The following GAS2L1 variants were observed in gnomAD, a reference collection of about 807,000 sequenced individuals.
The protein encoded by GAS2L1 is GAS2-like protein 1.
GAS2L1 carries 26 observed loss-of-function variants against 44.0 expected under a neutral mutation model. That is an observed-to-expected ratio of 0.59 (90% confidence interval 0.43 to 0.82). The LOEUF is 0.82. Ranked by LOEUF, GAS2L1 falls within the 40% of genes least tolerant of loss-of-function variation. GAS2L1 has a pLI of 0.00. For missense variants in GAS2L1, 1,006 were observed against 983.0 expected, an observed-to-expected ratio of 1.02 and a Z score of -0.31; for synonymous variants, 426 against 415.9, an observed-to-expected ratio of 1.02 and a Z score of -0.30.
At chr22:29,311,877 C>T (rs770899291) in exon 5 of GAS2L1, 4 of 1,597,682 alleles carry the variant, frequency 2.5e-6, no homozygotes, top group South Asian at 1.1e-5. Flanking sequence ...CCAGACTCCC[C>T]GTGCCCGCAG....
chr22:29,311,012 GGAC>G lies in GAS2L1; in HGVS notation c.1010+17_1010+19del. The G allele has an allele frequency of 6.2e-7, 1 of 1,607,382 alleles. No homozygotes were observed. The highest frequency in any genetic ancestry group is 8.5e-7 in the Non-Finnish European group (1 of 1,177,434). ...GACCCCACCCAGGTGAGATGCAGGA[GGAC>G]GAGGAGTGAGGGGTCCAGAGGGTGG... is the stretch of plus-strand genomic sequence containing the variant. On this transcript the variant is annotated intron_variant, in intron 4 of 4. Coordinates refer to ENST00000618518, the Ensembl canonical transcript of GAS2L1.
exon 1 of GAS2L1, chr22:29,307,117 C>G (rs1356747028): frequency 2.0e-5 from 3 of 151,830 alleles, no homozygotes; most frequent in Non-Finnish European, 2.9e-5. Flanking sequence ...CCGGCCCCCG[C>G]TGGGGCAATG....
At chr22:29,310,832 C>A in exon 4 of GAS2L1, 1 of 1,609,252 alleles carries the variant, frequency 6.2e-7, no homozygotes. Context: ...CGCAGCTCAT[C>A]GCCCACCCCA....
At chr22:29,310,520 G>C in exon 2 of GAS2L1, 1 of 1,609,874 alleles carries the variant, frequency 6.2e-7, no homozygotes, top group Non-Finnish European at 8.5e-7. Flanking sequence ...CCGTGTGGGG[G>C]ACTCGAGCCT....
Position 29,310,251 on chromosome 22 carries a change from A to T in GAS2L1, c.634-188A>T, listed in dbSNP as rs12166598. The T allele has an allele frequency of 6.0e-3, 2,073 of 347,182 alleles. 26 individuals carry two copies. The highest frequency in any genetic ancestry group is 0.036 in the African/African-American group (1,651 of 45,844). The allele number at this position is 347,182 out of a possible 1,614,324, so 21.5% of individuals were successfully genotyped here. The stretch of plus-strand genomic sequence containing the variant: ...GAGCAAAACTCCAACTCAAAAAAAA[A>T]AAAAAATAAAAAAAAATAAAAAAAA... On this transcript the variant is annotated intron_variant, in intron 1 of 4. Transcript: ENST00000618518.
At position 29,308,666 on chromosome 22, in the gene GAS2L1, C is replaced by G. The variant is rs763791690; in HGVS notation, c.561C>G (p.Thr187=). Reference sequence around the variant, plus strand: ...CCGCTGGGGAGGACACCACTGAAACCGCCCCCGCACCAGGGACTCCTGCCC... The same window carrying G: ...CCGCTGGGGAGGACACCACTGAAACGGCCCCCGCACCAGGGACTCCTGCCC... The change falls in exon 1 of 5, where the codon ACC becomes ACG. Residue 187 remains threonine (T), a synonymous_variant. Coordinates refer to ENST00000618518, the Ensembl canonical transcript of GAS2L1. 26 of 1,529,820 alleles carry G rather than the reference C, an allele frequency of 1.7e-5. No homozygotes were observed. The South Asian group carries it at 2.5e-4, about 15-fold the overall frequency. 94.8% of individuals were successfully genotyped at this position (1,529,820 alleles called of 1,614,324 possible).
exon 4 of GAS2L1, chr22:29,310,924 G>A: frequency 6.2e-7 from 1 of 1,613,726 alleles, no homozygotes; most frequent in Non-Finnish European, 8.5e-7. Context: ...CTGGGAGTGA[G>A]CGCCGGGGCT....
Position 29,311,045 on chromosome 22 carries a change from G to T in GAS2L1, c.1010+47G>T, listed in dbSNP as rs759146077. The T allele has an allele frequency of 1.1e-5, 17 of 1,557,334 alleles. 1 individual carries two copies. In the South Asian group the frequency reaches 1.8e-4, roughly 17 times the overall value. On this transcript the variant is annotated intron_variant, in intron 4 of 4. Coordinates refer to ENST00000618518, the Ensembl canonical transcript of GAS2L1. ...AGTGAGGGGTCCAGAGGGTGGGGGG[G>T]CGTCAGCCCTGGCCTGCATGATGGG...
At chr22:29,312,289 G>C in exon 5 of GAS2L1, 1 of 1,609,270 alleles carries the variant, frequency 6.2e-7, no homozygotes, top group Non-Finnish European at 8.5e-7. Context: ...GGCATGGGGG[G>C]GCCACTAGAT....
chr22:29,308,774 A>G (rs1417785526), intron 1 of GAS2L1, 36 bp downstream of exon 2: 1 of 1,454,264 alleles, frequency 6.9e-7, no homozygotes, highest in Admixed American at 2.5e-5. Flanking sequence ...GGGACCCGAC[A>G]GCACAGCCAG....
intron 1 of GAS2L1, among the ~76,000 whole-genome samples, chr22:29,309,891 A>G (rs74879864): frequency 0.049 from 7,469 of 152,252 alleles, 262 homozygotes; most frequent in Non-Finnish European, 0.076. Context: ...GTCTCAGACC[A>G]TGGCCTGACC....
exon 2 of GAS2L1, chr22:29,310,457 C>G (rs557036287): frequency 1.2e-6 from 2 of 1,604,840 alleles, no homozygotes; most frequent in African/African-American, 2.7e-5. Flanking sequence ...GATTCTGGGC[C>G]GCTGCACCTG....
In GAS2L1 at chr22:29,308,757, G is replaced by GT; in HGVS notation, c.633+19_633+20insT. 1 of 1,478,136 alleles carries GT rather than the reference G, an allele frequency of 6.8e-7. No homozygotes were observed. Among genetic ancestry groups the GT allele is most frequent in the Non-Finnish European group, 8.9e-7 (1 of 1,120,378 alleles). The allele number at this position is 1,478,136 out of a possible 1,614,324, so 91.6% of individuals were successfully genotyped here. A position where few individuals can be genotyped will look rare whatever the true frequency, so the allele number is the denominator to read the frequency against. On this transcript the variant is annotated intron_variant, in intron 1 of 4. Coordinates refer to ENST00000618518, the Ensembl canonical transcript of GAS2L1. ...CGAGCTGGTGAGTCCCCCAGCACCAGGTGCCAGGGACCCGACAGCACAGCC... is the reference window on the plus strand; with the variant it reads ...CGAGCTGGTGAGTCCCCCAGCACCAGTGTGCCAGGGACCCGACAGCACAGCC...
At chr22:29,308,375 C>T in exon 1 of GAS2L1, 1 of 1,606,378 alleles carries the variant, frequency 6.2e-7, no homozygotes. Flanking sequence ...TCCAGGCGCA[C>T]AGTGTAGTGC....
At chr22:29,309,782 T>TGGGCCCCA (rs144053226) in intron 1 of GAS2L1, among the ~76,000 whole-genome samples, 3,734 of 152,286 alleles carry the variant, frequency 0.025, 134 homozygotes, top group African/African-American at 0.086. Flanking sequence ...GGCCTTCCTG[T>TGGGCCCCA]GGGCCCCAGC....
exon 5 of GAS2L1, chr22:29,312,712 G>A (rs999320590): frequency 2.4e-6 from 1 of 418,542 alleles, no homozygotes; most frequent in Non-Finnish European, 4.2e-6. Flanking sequence ...ATGCCTTAGA[G>A]GAGGCCGGGC....
chr22:29,311,510 G>A (rs758537049), exon 5 of GAS2L1: 2 of 1,533,138 alleles, frequency 1.3e-6, no homozygotes, highest in Non-Finnish European at 1.8e-6. Flanking sequence ...GCTACTCCGG[G>A]GACAGTGACT....
exon 5 of GAS2L1, chr22:29,312,718 C>T (rs2061424526): frequency 5.0e-6 from 2 of 403,046 alleles, no homozygotes; most frequent in East Asian, 3.6e-5. Context: ...TAGAGGAGGC[C>T]GGGCGAGCCC....
chr22:29,307,995 G>C, exon 1 of GAS2L1: 1 of 863,248 alleles, frequency 1.2e-6, no homozygotes, highest in Non-Finnish European at 1.6e-6. Flanking sequence ...TTTGGCCTGA[G>C]TGACAGACTG....
Sources: allele counts gnomAD v4.1 joint callset (sites outside exome capture counted in the v4.1 genomes callset), GRCh38; gene constraint gnomAD v4.1.1; transcripts MANE v1.5; gene names NCBI Gene and HGNC (gene_info 2026-07-23, HGNC 2026-07-21).